PARG: variants seen among roughly 807,000 people sequenced by gnomAD.
PARG encodes mitochondrial poly(ADP-ribose) glycohydrolase.
PARG carries 35 observed loss-of-function variants against 113.0 expected under a neutral mutation model. The ratio of observed to expected loss-of-function variants is 0.31; its 90% CI spans 0.24 to 0.41. The LOEUF is 0.41. PARG is among the 10% of genes least tolerant of loss of function. The pLI is 1.00. For synonymous variants in PARG, 330 were observed against 409.9 expected (o/e 0.81, Z 2.36); for missense variants, 797 against 1,169.4 (o/e 0.68, Z 4.64).
intron 13 of PARG, 136 bp from the exon 14 acceptor site, chr10:49,843,768 T>A: frequency 1.6e-6 from 1 of 608,656 alleles, no homozygotes; most frequent in Admixed American, 2.8e-5. Context: ...GGCAAGAAAA[T>A]AAACAAAAAG....
chr10:49,840,965 C>T (rs1334212193), intron 15 of PARG, among the ~76,000 whole-genome samples: 1 of 152,134 alleles, frequency 6.6e-6, no homozygotes, highest in Non-Finnish European at 1.5e-5. Flanking sequence ...TAAAGAAAAT[C>T]TCTAGGCTGG....
chr10:49,840,728 A>C (rs979062338), intron 15 of PARG, among the ~76,000 whole-genome samples: 23 of 152,352 alleles, frequency 1.5e-4, no homozygotes, highest in African/African-American at 5.3e-4. Flanking sequence ...AAGATACTTA[A>C]TTATGTTCAA....
chr10:49,903,054 T>C (rs1238332398), intron 7 of PARG, among the ~76,000 whole-genome samples: 7 of 151,824 alleles, frequency 4.6e-5, no homozygotes, highest in African/African-American at 1.5e-4. Context: ...CTCGATCTCT[T>C]GACCTCGTGA....
chr10:49,927,695 C>G (rs2132941297), intron 4 of PARG, among the ~76,000 whole-genome samples: 1 of 151,930 alleles, frequency 6.6e-6, no homozygotes. Context: ...TGTGGCCAGG[C>G]ACAGTTGCTC....
intron 16 of PARG, among the ~76,000 whole-genome samples, chr10:49,821,540 T>G (rs750509081): frequency 5.9e-5 from 9 of 151,988 alleles, no homozygotes; most frequent in Non-Finnish European, 1.3e-4. Flanking sequence ...CCACCATACC[T>G]GGCTAATTTC....
intron 15 of PARG, among the ~76,000 whole-genome samples, chr10:49,840,755 T>A (rs1845190183): frequency 6.6e-6 from 1 of 152,210 alleles, no homozygotes; most frequent in South Asian, 2.1e-4. Context: ...TACTAAGTTG[T>A]AAGTGTAGTA....
At chr10:49,830,099 C>T (rs1378358831) in intron 16 of PARG, among the ~76,000 whole-genome samples, 1 of 152,078 alleles carries the variant, frequency 6.6e-6, no homozygotes, top group Non-Finnish European at 1.5e-5. Flanking sequence ...GACTACTATG[C>T]TTGATAGTCA....
intron 7 of PARG, among the ~76,000 whole-genome samples, chr10:49,909,155 A>C (rs2813015): frequency 2.6e-5 from 4 of 152,338 alleles, no homozygotes; most frequent in African/African-American, 9.6e-5. Flanking sequence ...CCACATATGC[A>C]TGAATGCATT....
chr10:49,918,095 T>A lies in PARG; in HGVS notation c.1663-2104A>T, dbSNP rs546908515. ...TAAACTATAGTGAAAAAGAACAGAT[T>A]AGTAGTTGTCTGGGGCCAGAGCAGA... On this transcript the variant is annotated intron_variant, in intron 6 of 17. Transcript: ENST00000616448. Among the ~76,000 whole-genome samples the A allele has an allele frequency of 2.0e-5, 3 of 152,134 alleles. No individual in the cohort carries two copies. In the South Asian group the frequency reaches 6.2e-4, roughly 32 times the overall value.
At chr10:49,892,017 G>A (rs543257911) in intron 7 of PARG, among the ~76,000 whole-genome samples, 37 of 151,980 alleles carry the variant, frequency 2.4e-4, no homozygotes, top group African/African-American at 8.7e-4. Flanking sequence ...CTGGCCGGGC[G>A]TGGTGGCTCA....
chr10:49,869,548 C>G lies in PARG; in HGVS notation c.1996G>C (p.Glu666Gln). The G allele has an allele frequency of 1.4e-6, 2 of 1,382,964 alleles. No homozygotes were observed. Among genetic ancestry groups the G allele is most frequent in the South Asian group, 1.2e-5 (1 of 81,090 alleles). The allele number at this position is 1,382,964 out of a possible 1,614,324, so 85.7% of individuals were successfully genotyped here. A position where few individuals can be genotyped will look rare whatever the true frequency, so the allele number is the denominator to read the frequency against. ...YPDINFNRLF[E>Q]GRSSRKPEKL... ...TCCGGTTTCCTTGATGAACGTCCCT[C>G]AAACAATCTAAGAGATAAAAAATAA... The change falls in exon 10 of 18, where the codon GAG (glutamate) becomes CAG (glutamine). Residue 666 changes from glutamate (E) to glutamine (Q), a missense_variant. Around this residue, in one of 5 missense-constraint regions of PARG, gnomAD observed 252 missense variants for 437.4 expected, o/e 0.58. Coordinates refer to ENST00000616448, the MANE Select transcript of PARG (RefSeq NM_003631.5).
At chr10:49,941,013 C>G (rs1474542488) in intron 1 of PARG, among the ~76,000 whole-genome samples, 1 of 152,148 alleles carries the variant, frequency 6.6e-6, no homozygotes, top group Non-Finnish European at 1.5e-5. Flanking sequence ...CTTTTGCTAT[C>G]GTCTATCTCT....
chr10:49,836,336 T>TTTTTTTTTTTTTTA (rs370070934), intron 15 of PARG, among the ~76,000 whole-genome samples: 1 of 138,636 alleles, frequency 7.2e-6, no homozygotes, highest in African/African-American at 2.8e-5. Context: ...TTTTTTTTTT[T>TTTTTTTTTTTTTTA]AGCCCAGGCT....
At chr10:49,903,697 A>C (rs1304376135) in intron 7 of PARG, among the ~76,000 whole-genome samples, 18 of 151,758 alleles carry the variant, frequency 1.2e-4, no homozygotes, top group African/African-American at 4.1e-4. Context: ...AACTGAGCTG[A>C]GTCTTGAAGG....
intron 7 of PARG, among the ~76,000 whole-genome samples, chr10:49,913,406 G>A (rs1245100451): frequency 3.3e-5 from 5 of 152,150 alleles, no homozygotes; most frequent in African/African-American, 4.8e-5. Context: ...GAATATTATT[G>A]CAACCATTAA....
At chr10:49,887,089 G>C (rs1285027609) in intron 7 of PARG, among the ~76,000 whole-genome samples, 6 of 146,806 alleles carry the variant, frequency 4.1e-5, no homozygotes, top group Non-Finnish European at 6.0e-5. Context: ...TTGCTCTGTT[G>C]CCCAGGCTGG....
In PARG at chr10:49,832,904, T is replaced by A. The variant is rs782436597; in HGVS notation, c.2546A>T (p.Tyr849Phe). The A allele has an allele frequency of 3.3e-6, 5 of 1,529,306 alleles. No homozygotes were observed. In the African/African-American group the frequency reaches 6.9e-5, roughly 21 times the overall value. The allele number at this position is 1,529,306 out of a possible 1,614,324, so 94.7% of individuals were successfully genotyped here. The change falls in exon 16 of 18, where the codon TAC becomes TTC. Residue 849 changes from tyrosine (Y) to phenylalanine (F), a missense_variant. Tyr to Phe is a conservative substitution (Grantham distance 22). Coordinates refer to ENST00000616448, the MANE Select transcript of PARG (RefSeq NM_003631.5). ...EKMRRELNKA[Y>F]CGFLRPGVSS... The stretch of plus-strand genomic sequence containing the variant: ...AACTCCAGGACGGAGAAATCCACAG[T>A]AAGCCTGCAGGATAAAAGAATTATC...
chr10:49,903,047 G>A (rs1181104163), intron 7 of PARG, among the ~76,000 whole-genome samples: 41 of 151,674 alleles, frequency 2.7e-4, no homozygotes, highest in African/African-American at 9.2e-4. Flanking sequence ...GGATGGTCTC[G>A]ATCTCTTGAC....
chr10:49,888,932 A>C (rs1339957311), intron 7 of PARG, among the ~76,000 whole-genome samples: 2 of 151,814 alleles, frequency 1.3e-5, no homozygotes, highest in Admixed American at 6.6e-5. Flanking sequence ...ATTTCTCTTA[A>C]TTTCTTCCAA....
Sources: allele counts gnomAD v4.1 joint callset (sites outside exome capture counted in the v4.1 genomes callset), GRCh38; gene constraint gnomAD v4.1.1; regional missense constraint gnomAD v4.1.1; transcripts MANE v1.5; gene names NCBI Gene and HGNC (gene_info 2026-07-23, HGNC 2026-07-21).